Variants in TTLL5 observed in about 807,000 individuals in gnomAD.
TTLL5 encodes tubulin tyrosine ligase like 5.
In TTLL5, 132 loss-of-function variants were observed where a neutral mutation model predicts 168.4. The observed-to-expected ratio is 0.78, with a 90% CI of 0.68 to 0.91. The LOEUF (loss-of-function observed/expected upper bound fraction) is 0.91, where lower values mean the gene tolerates loss of function less well. TTLL5 is among the 40% of genes least tolerant of loss of function. The pLI is 0.00. For synonymous variants in TTLL5, 546 were observed against 558.6 expected (o/e 0.98, Z 0.32); for missense variants, 1,545 against 1,581.5 (o/e 0.98, Z 0.39).
intron 3 of TTLL5, among the ~76,000 whole-genome samples, chr14:75,677,893 T>G (rs528744136): frequency 6.6e-6 from 1 of 151,826 alleles, no homozygotes; most frequent in African/African-American, 2.4e-5. Flanking sequence ...CAGCCTCCCA[T>G]CGTACTGGGA....
At chr14:75,876,898 G>C (rs1012141977) in intron 29 of TTLL5, among the ~76,000 whole-genome samples, 1 of 152,232 alleles carries the variant, frequency 6.6e-6, no homozygotes, top group African/African-American at 2.4e-5. Flanking sequence ...GCTCTGAACA[G>C]TCTTGGCCTG....
At chr14:75,781,776 G>C (rs1300872609) in intron 24 of TTLL5, among the ~76,000 whole-genome samples, 1 of 152,054 alleles carries the variant, frequency 6.6e-6, no homozygotes, top group Non-Finnish European at 1.5e-5. Context: ...TCAACATGGT[G>C]AAAGCCTGTC....
At chr14:75,820,513 T>C (rs1894764266) in intron 28 of TTLL5, 1 of 170,028 alleles carries the variant, frequency 5.9e-6, no homozygotes, top group Non-Finnish European at 1.3e-5. Context: ...CCTTGTGTTG[T>C]TTATAGTTTT....
chr14:75,725,958 CTT>C (rs1888163416), intron 12 of TTLL5, among the ~76,000 whole-genome samples: 3 of 152,164 alleles, frequency 2.0e-5, no homozygotes, highest in Admixed American at 1.3e-4. Flanking sequence ...AAGACTTCCT[CTT>C]TAGCTTTTTC....
rs547043670 is a variant in TTLL5, at chr14:75,887,126, G to A, written c.3740+4224G>A. On this transcript the variant is annotated intron_variant, in intron 30 of 31. Coordinates refer to ENST00000298832, the MANE Select transcript of TTLL5 (RefSeq NM_015072.5). ...GTTCTGTGTCAGCACCCAGGACAGT[G>A]GTGTCTGTTAAGGCTGCCAGGGATT... 4.8e-5 allele frequency: 51 copies of A among 1,066,798 alleles called. 2 individuals are homozygous for A. In the South Asian group the frequency reaches 1.6e-3, roughly 34 times the overall value. The allele number at this position is 1,066,798 out of a possible 1,614,324, so 66.1% of individuals were successfully genotyped here. A position where few individuals can be genotyped will look rare whatever the true frequency, so the allele number is the denominator to read the frequency against.
intron 7 of TTLL5, among the ~76,000 whole-genome samples, chr14:75,700,196 G>GC (rs1886166144): frequency 6.6e-6 from 1 of 152,096 alleles, no homozygotes; most frequent in Non-Finnish European, 1.5e-5. Context: ...GCATGAGAGG[G>GC]CCCCCGCTAC....
At chr14:75,846,792 G>GAAA (rs5809732) in intron 28 of TTLL5, among the ~76,000 whole-genome samples, 8 of 99,182 alleles carry the variant, frequency 8.1e-5, no homozygotes, top group African/African-American at 1.6e-4. Context: ...CTCCATCTCA[G>GAAA]AAAAAAAAAA....
At chr14:75,921,485 C>G (rs988866010) in intron 31 of TTLL5, among the ~76,000 whole-genome samples, 3 of 152,152 alleles carry the variant, frequency 2.0e-5, no homozygotes, top group African/African-American at 7.2e-5. Context: ...AAAGGGAATC[C>G]TTTCCCCATT....
At chr14:75,852,631 A>G (rs1031075344) in intron 28 of TTLL5, among the ~76,000 whole-genome samples, 25 of 152,192 alleles carry the variant, frequency 1.6e-4, no homozygotes, top group African/African-American at 5.3e-4. Context: ...AAGAGAGTAT[A>G]CTCTTATCTC....
chr14:75,751,322 A>G (rs539056249), intron 17 of TTLL5, among the ~76,000 whole-genome samples: 1 of 152,294 alleles, frequency 6.6e-6, no homozygotes, highest in East Asian at 1.9e-4. Flanking sequence ...TTAAGTCAAG[A>G]ACTTTTACCG....
At chr14:75,926,389 T>G (rs1408921256) in intron 31 of TTLL5, among the ~76,000 whole-genome samples, 1 of 152,064 alleles carries the variant, frequency 6.6e-6, no homozygotes, top group Admixed American at 6.6e-5. Context: ...GATCCTGTCA[T>G]TATGATGTTA....
chr14:75,787,337 C>G (rs975369825), intron 26 of TTLL5, among the ~76,000 whole-genome samples: 1 of 151,852 alleles, frequency 6.6e-6, no homozygotes, highest in South Asian at 2.1e-4. Context: ...GAGTACTAAC[C>G]AGAAGAAAGT....
intron 31 of TTLL5, among the ~76,000 whole-genome samples, chr14:75,942,040 G>A (rs957798614): frequency 6.0e-5 from 9 of 150,218 alleles, no homozygotes; most frequent in Non-Finnish European, 1.3e-4. Context: ...AACTAGCCAG[G>A]TGTGTGGTGG....
chr14:75,765,536 T>G (rs1291312801), intron 19 of TTLL5, among the ~76,000 whole-genome samples: 1 of 152,144 alleles, frequency 6.6e-6, no homozygotes, highest in Non-Finnish European at 1.5e-5. Context: ...GAAAAATGTA[T>G]ACTTTAATGA....
rs114808278 is a variant in TTLL5 at position 75,931,357 on chromosome 14, G to T, written c.3824-23067G>T. On this transcript the variant is annotated intron_variant, in intron 31 of 31. Transcript: ENST00000298832. ...TTCATTAGAGGTAAAGCCAGAAACT[G>T]AGAGGCATGTGAGCTCCTCCCCTCA... Among the ~76,000 whole-genome samples the T allele has an allele frequency of 7.4e-3, 1,133 of 152,224 alleles. 14 individuals carry two copies. Among genetic ancestry groups the T allele is most frequent in the African/African-American group, 0.026 (1,059 of 41,518 alleles).
At chr14:75,743,532 G>A (rs1035464060) in intron 15 of TTLL5, among the ~76,000 whole-genome samples, 21 of 150,976 alleles carry the variant, frequency 1.4e-4, no homozygotes, top group Admixed American at 1.3e-3. Context: ...TACTAGCTGG[G>A]GTCTGGGGGA....
At position 75,734,030 on chromosome 14, in the gene TTLL5, C is replaced by G. The variant is rs774889687; in HGVS notation, c.1166C>G (p.Ser389Ter). The G allele has an allele frequency of 1.9e-6, 3 of 1,614,002 alleles. No homozygotes were observed. The East Asian group carries it at 6.7e-5, about 36-fold the overall frequency. Residue 389 changes from serine to a stop codon, truncating the protein, a stop_gained, in exon 14 of 32, where the codon TCA becomes TGA. Transcript: ENST00000298832. LOFTEE classifies it high-confidence loss of function. ...LDLKIKASMI[S>*]DMFTVVGFVC... ...CTAAAGATTAAAGCCAGTATGATTT[C>G]AGATATGTTCACTGTTGTAGGTGAG...
chr14:75,866,865 A>G (rs1409865585), intron 29 of TTLL5, among the ~76,000 whole-genome samples: 3 of 152,224 alleles, frequency 2.0e-5, no homozygotes, highest in Non-Finnish European at 4.4e-5. Flanking sequence ...TGGGAGTGAG[A>G]GAGGAAAGTC....
At chr14:75,779,979 G>A (rs373495657) in intron 24 of TTLL5, among the ~76,000 whole-genome samples, 3 of 152,086 alleles carry the variant, frequency 2.0e-5, no homozygotes, top group African/African-American at 7.2e-5. Flanking sequence ...TTATCTTTCT[G>A]TCTGCTGGAC....
Sources: allele counts gnomAD v4.1 joint callset (sites outside exome capture counted in the v4.1 genomes callset), GRCh38; gene constraint gnomAD v4.1.1; transcripts MANE v1.5; gene names NCBI Gene and HGNC (gene_info 2026-07-23, HGNC 2026-07-21).